EPHA3: variants seen among roughly 807,000 people sequenced by gnomAD.
EPHA3 encodes ephrin type-A receptor 3.
EPHA3 carries 42 observed loss-of-function variants against 107.1 expected under a neutral mutation model. The ratio of observed to expected loss-of-function variants is 0.39; its 90% CI spans 0.31 to 0.51. EPHA3 has a LOEUF of 0.51. Among genes scored for constraint, EPHA3 ranks in the 20% least tolerant of loss-of-function variants. The pLI, the probability that EPHA3 is intolerant of heterozygous loss-of-function variation, is 0.78. For synonymous variants in EPHA3, 461 were observed against 424.8 expected, an observed-to-expected ratio of 1.09 and a Z score of -1.05; for missense variants, 1,183 against 1,211.2, an observed-to-expected ratio of 0.98 and a Z score of 0.35.
chr3:89,480,319 A>G lies in EPHA3; in HGVS notation c.*817A>G, dbSNP rs1282435370. 4.3e-6 allele frequency: 1 copy of G among 233,162 alleles called. No homozygotes were observed. Among genetic ancestry groups the G allele is most frequent in the Non-Finnish European group, 8.5e-6 (1 of 117,812 alleles). 14.4% of individuals were successfully genotyped at this position (233,162 alleles called of 1,614,324 possible). A position where few individuals can be genotyped will look rare whatever the true frequency, so the allele number is the denominator to read the frequency against. On this transcript the variant is annotated 3_prime_UTR_variant, in exon 17 of 17. Transcript: ENST00000336596. ...CACTTACATATATTTTTAAAAAATG[A>G]AATCCTTTTCCTGTTCATACACTAA...
At chr3:89,125,852 A>G (rs1182634998) in intron 1 of EPHA3, among the ~76,000 whole-genome samples, 1 of 151,710 alleles carries the variant, frequency 6.6e-6, no homozygotes, top group Non-Finnish European at 1.5e-5. Context: ...TTGAAAATTT[A>G]GAAACCTAAT....
chr3:89,412,178 T>C (rs1026469973), intron 9 of EPHA3, among the ~76,000 whole-genome samples: 1 of 151,758 alleles, frequency 6.6e-6, no homozygotes, highest in Non-Finnish European at 1.5e-5. Context: ...AGTTAATTTA[T>C]TGAAAATTGC....
At chr3:89,313,923 T>C (rs1284531999) in intron 3 of EPHA3, among the ~76,000 whole-genome samples, 1 of 152,004 alleles carries the variant, frequency 6.6e-6, no homozygotes, top group Non-Finnish European at 1.5e-5. Context: ...AAGTAAACTA[T>C]TCTTTTAAGA....
chr3:89,345,609 T>TC (rs1202602439), intron 5 of EPHA3, among the ~76,000 whole-genome samples: 3 of 150,252 alleles, frequency 2.0e-5, no homozygotes, highest in Admixed American at 6.7e-5. Context: ...ACAATTTCTT[T>TC]TTTTTTTTTC....
Position 89,434,983 on chromosome 3 carries a change from A to T in EPHA3, c.2346+3624A>T, listed in dbSNP as rs1457232366. On this transcript the variant is annotated intron_variant, in intron 13 of 16. Coordinates refer to ENST00000336596, the MANE Select transcript of EPHA3 (RefSeq NM_005233.6). ...TGTGCGTTTCTAGAGTAATTTAAAC[A>T]TCATTGATTTAATCTCTCATAATAG... Among the ~76,000 whole-genome samples, 2 of 152,142 alleles carry T rather than the reference A, an allele frequency of 1.3e-5. 1 individual carries two copies. Among genetic ancestry groups the T allele is most frequent in the South Asian group, 4.1e-4 (2 of 4,824 alleles).
chr3:89,453,512 T>G (rs1207854985), intron 15 of EPHA3, among the ~76,000 whole-genome samples: 1 of 152,152 alleles, frequency 6.6e-6, no homozygotes. Context: ...AATCAATATT[T>G]TCTATGAAAA....
At chr3:89,328,431 G>T (rs1195584959) in intron 3 of EPHA3, among the ~76,000 whole-genome samples, 1 of 152,152 alleles carries the variant, frequency 6.6e-6, no homozygotes, top group Non-Finnish European at 1.5e-5. Flanking sequence ...TATTGTTGAA[G>T]AAAACTACTG....
At chr3:89,441,201 C>T (rs1438230980) in intron 13 of EPHA3, among the ~76,000 whole-genome samples, 1 of 152,162 alleles carries the variant, frequency 6.6e-6, no homozygotes, top group African/African-American at 2.4e-5. Context: ...ACTAAACTTA[C>T]CCTGTACCTC....
At chr3:89,390,785 A>ACTTTTTT (rs777460537) in intron 5 of EPHA3, among the ~76,000 whole-genome samples, 1,918 of 132,082 alleles carry the variant, frequency 0.015, 38 homozygotes, top group African/African-American at 0.051. Context: ...ATTGAAAAGC[A>ACTTTTTT]TTTTTTTTTT....
At chr3:89,368,216 G>C (rs1708221186) in intron 5 of EPHA3, among the ~76,000 whole-genome samples, 2 of 150,404 alleles carry the variant, frequency 1.3e-5, no homozygotes, top group African/African-American at 4.9e-5. Flanking sequence ...ATTATTTTAA[G>C]AGAAAACTGA....
rs537349457 is a variant in EPHA3, at chr3:89,188,256, G to A, written c.154-21604G>A. Reference sequence around the variant, plus strand: ...ATAAAAATAAGCCAGCTACGATCTCGTTCTATCATAGGCACGTGAATGACA... The same window carrying A: ...ATAAAAATAAGCCAGCTACGATCTCATTCTATCATAGGCACGTGAATGACA... On this transcript the variant is annotated intron_variant, in intron 2 of 16. Transcript: ENST00000336596. Among the ~76,000 whole-genome samples the A allele has an allele frequency of 1.2e-4, 19 of 152,198 alleles. 1 individual carries two copies. The South Asian group carries it at 3.7e-3, about 30-fold the overall frequency.
intron 15 of EPHA3, among the ~76,000 whole-genome samples, chr3:89,457,580 A>G (rs1456773054): frequency 6.6e-6 from 1 of 152,218 alleles, no homozygotes; most frequent in Non-Finnish European, 1.5e-5. Flanking sequence ...ATTGTCTTCC[A>G]TGAAACTGGC....
rs551456516 is a variant in EPHA3 at position 89,441,319 on chromosome 3, T to A, written c.2347-7906T>A. On this transcript the variant is annotated intron_variant, in intron 13 of 16. Coordinates refer to ENST00000336596, the MANE Select transcript of EPHA3 (RefSeq NM_005233.6). Reference sequence around the variant, plus strand: ...ACATTAGCTTCTGATTCTGTTAAGTTTGAATTGGAAGTCTTTCTGAAATTG... The same window carrying A: ...ACATTAGCTTCTGATTCTGTTAAGTATGAATTGGAAGTCTTTCTGAAATTG... Among the ~76,000 whole-genome samples the A allele has an allele frequency of 2.0e-5, 3 of 152,308 alleles. No homozygotes were observed. The South Asian group carries it at 6.2e-4, about 32-fold the overall frequency.
chr3:89,176,700 GTGT>G (rs1705327275), intron 2 of EPHA3, among the ~76,000 whole-genome samples: 1 of 151,828 alleles, frequency 6.6e-6, no homozygotes, highest in Non-Finnish European at 1.5e-5. Context: ...TAGAATCATA[GTGT>G]TACAAATGTA....
intron 3 of EPHA3, among the ~76,000 whole-genome samples, chr3:89,213,039 A>G (rs1029318390): frequency 2.6e-5 from 4 of 151,990 alleles, no homozygotes; most frequent in Non-Finnish European, 5.9e-5. Context: ...CAGCTGCCAA[A>G]GTTTCAATAA....
intron 3 of EPHA3, among the ~76,000 whole-genome samples, chr3:89,238,360 G>A (rs779986481): frequency 6.6e-6 from 1 of 152,094 alleles, no homozygotes; most frequent in Non-Finnish European, 1.5e-5. Context: ...AGAATTTGGA[G>A]ACTTAAAAAA....
At chr3:89,285,725 G>T (rs1000545970) in intron 3 of EPHA3, among the ~76,000 whole-genome samples, 1 of 152,156 alleles carries the variant, frequency 6.6e-6, no homozygotes, top group Non-Finnish European at 1.5e-5. Context: ...GTTGCTCAAT[G>T]CACAGAAAGT....
intron 3 of EPHA3, among the ~76,000 whole-genome samples, chr3:89,337,425 A>C (rs1178532323): frequency 2.0e-5 from 3 of 152,234 alleles, no homozygotes; most frequent in Admixed American, 6.5e-5. Context: ...ACTGATACCT[A>C]CACCGATAAT....
intron 2 of EPHA3, among the ~76,000 whole-genome samples, chr3:89,196,678 T>C (rs1007650425): frequency 3.9e-5 from 6 of 152,108 alleles, no homozygotes; most frequent in Non-Finnish European, 5.9e-5. Context: ...TCACTAGTCA[T>C]AGTAGTCAAA....
Sources: allele counts gnomAD v4.1 joint callset (sites outside exome capture counted in the v4.1 genomes callset), GRCh38; gene constraint gnomAD v4.1.1; transcripts MANE v1.5; gene names NCBI Gene and HGNC (gene_info 2026-07-23, HGNC 2026-07-21).